The following FGF13 variants were observed in gnomAD, a reference collection of about 807,000 sequenced individuals.
FGF13 encodes fibroblast growth factor 13, also known as fibroblast growth factor homologous factor 2.
A neutral mutation model predicts 19.5 loss-of-function variants in FGF13; 2 were observed. The ratio of observed to expected loss-of-function variants is 0.10; its 90% CI spans 0.04 to 0.32. The LOEUF is 0.32. Among genes scored for constraint, FGF13 ranks in the 10% least tolerant of loss-of-function variants. The probability of loss-of-function intolerance (pLI) is 1.00; values close to 1 mark genes in which losing one functional copy is unlikely to be tolerated. For synonymous variants in FGF13, 72 were observed against 76.9 expected, an observed-to-expected ratio of 0.94 and a Z score of 0.33; for missense variants, 113 against 192.7, an observed-to-expected ratio of 0.59 and a Z score of 2.45.
intron 3 of FGF13, among the ~76,000 whole-genome samples, chrX:138,761,460 T>C (rs1271207247): frequency 9.0e-6 from 1 of 111,640 alleles, no homozygotes; most frequent in Non-Finnish European, 1.9e-5. Context: ...AAAGGACCAC[T>C]GAGGCAGCAG....
intron 1 of FGF13, among the ~76,000 whole-genome samples, chrX:139,009,227 T>C (rs939360289): frequency 5.4e-5 from 6 of 112,031 alleles, no homozygotes; most frequent in Admixed American, 1.9e-4. Context: ...GGAAAACATA[T>C]TGGAAGGAAT....
At chrX:138,865,168 G>T (rs987309793) in intron 1 of FGF13, among the ~76,000 whole-genome samples, 7 of 112,000 alleles carry the variant, frequency 6.3e-5, no homozygotes, top group Non-Finnish European at 1.1e-4. Flanking sequence ...CTGCCTGTAT[G>T]CATTCTCCTC....
At position 138,948,388 on chromosome X, in the gene FGF13, C is replaced by A. The variant is rs1374071351; in HGVS notation, c.-112-83738G>T. ...ACTCAGGAAGGATAAAGAGCACATG[C>A]TAAATCCCTACTTTTGGCCAGGCAG... On this transcript the variant is annotated intron_variant, in intron 1 of 2. Coordinates refer to the FGF13 transcript ENST00000421460. 3.6e-5 allele frequency among the ~76,000 whole-genome samples: 4 copies of A among 111,954 alleles called. No homozygotes were observed. The East Asian group carries it at 8.5e-4, about 24-fold the overall frequency.
In FGF13 at chrX:138,700,539, G is replaced by A. The variant is rs189885803; in HGVS notation, c.402+2445C>T. 3.1e-4 allele frequency among the ~76,000 whole-genome samples: 35 copies of A among 111,310 alleles called. No homozygotes were observed. In the Admixed American group the frequency reaches 3.2e-3, roughly 10 times the overall value. ...AATCTGGGCACCACACTTTAAATAA[G>A]ATGACAACAAAATGAAGTGCCCACT... On this transcript the variant is annotated intron_variant, in intron 3 of 4. Transcript: ENST00000315930.
At chrX:139,094,571 C>T (rs898151403) in intron 1 of FGF13, among the ~76,000 whole-genome samples, 1 of 111,792 alleles carries the variant, frequency 8.9e-6, no homozygotes, top group African/African-American at 3.3e-5. Flanking sequence ...CTGACCTGAC[C>T]AACAAACCCC....
chrX:138,901,855 A>G (rs900782438), intron 1 of FGF13, among the ~76,000 whole-genome samples: 1 of 112,544 alleles, frequency 8.9e-6, no homozygotes, highest in Non-Finnish European at 1.9e-5. Context: ...AGGATGTAAG[A>G]AAAAAACGGC....
intron 1 of FGF13, among the ~76,000 whole-genome samples, chrX:138,723,096 TCAGA>T (rs60338796): frequency 0.27 from 30,256 of 110,449 alleles, 3,176 homozygotes; most frequent in East Asian, 0.55. Context: ...GGATACTAAC[TCAGA>T]CAGTCCTGCT....
At chrX:138,741,540 C>G (rs940328990), upstream of FGF13, among the ~76,000 whole-genome samples, 1 of 111,627 alleles carries the variant, frequency 9.0e-6, no homozygotes, top group African/African-American at 3.3e-5. Flanking sequence ...CAAGAGGAGC[C>G]CTCTCCACCC....
At chrX:138,728,870 C>T (rs1190208334) in intron 1 of FGF13, among the ~76,000 whole-genome samples, 1 of 111,144 alleles carries the variant, frequency 9.0e-6, no homozygotes, top group African/African-American at 3.3e-5. Context: ...CAGAGACAAA[C>T]CATCCAGGTA....
chrX:138,821,942 T>C (rs1171000292), intron 3 of FGF13, among the ~76,000 whole-genome samples: 5 of 111,800 alleles, frequency 4.5e-5, no homozygotes, highest in Non-Finnish European at 7.5e-5. Flanking sequence ...GCTCATACCC[T>C]GCATTTTTGT....
At chrX:138,653,284 C>A (rs1029802156) in intron 3 of FGF13, among the ~76,000 whole-genome samples, 13 of 111,253 alleles carry the variant, frequency 1.2e-4, no homozygotes, top group Non-Finnish European at 3.8e-5. Context: ...ATACATGCCA[C>A]AACTTGCTAA....
In FGF13 at chrX:138,706,274, T is replaced by C. The variant is rs780789223; in HGVS notation, c.298+2544A>G. Among the ~76,000 whole-genome samples, 294 of 112,759 alleles carry C rather than the reference T, an allele frequency of 2.6e-3. 3 individuals are homozygous for C. Among genetic ancestry groups the C allele is most frequent in the African/African-American group, 9.3e-3 (289 of 31,072 alleles). On this transcript the variant is annotated intron_variant, in intron 2 of 4. Transcript: ENST00000315930. ...ACATAATAAAATTACTGCCATGGAA[T>C]GTCTATCATCTTTTCCTTTTCAAGG...
intron 3 of FGF13, among the ~76,000 whole-genome samples, chrX:138,692,197 T>A (rs1388652038): frequency 8.9e-6 from 1 of 111,793 alleles, no homozygotes; most frequent in Non-Finnish European, 1.9e-5. Flanking sequence ...TCAGTCTTTA[T>A]GCTTTATTAT....
intron 1 of FGF13, among the ~76,000 whole-genome samples, chrX:138,874,027 G>A (rs1314803977): frequency 1.6e-4 from 14 of 87,702 alleles, no homozygotes; most frequent in Non-Finnish European, 2.2e-4. Context: ...GGGGGGAGGG[G>A]TAGCATTAGG....
At chrX:138,929,564 CATT>C (rs1377913860) in intron 1 of FGF13, among the ~76,000 whole-genome samples, 1 of 110,908 alleles carries the variant, frequency 9.0e-6, no homozygotes, top group Non-Finnish European at 1.9e-5. Flanking sequence ...TAAAAAGCTC[CATT>C]AAAGGCCAGA....
At chrX:139,006,322 A>G (rs972874765) in intron 1 of FGF13, among the ~76,000 whole-genome samples, 1 of 111,951 alleles carries the variant, frequency 8.9e-6, no homozygotes, top group Non-Finnish European at 1.9e-5. Context: ...CCAGAGTAGT[A>G]TATCTGGTGA....
At chrX:138,919,566 T>C (rs767382329) in intron 1 of FGF13, among the ~76,000 whole-genome samples, 2 of 112,004 alleles carry the variant, frequency 1.8e-5, no homozygotes, top group East Asian at 5.6e-4. Flanking sequence ...ATGCAACAAC[T>C]TGGATACATC....
At chrX:138,947,832 T>C (rs1251305790) in intron 1 of FGF13, among the ~76,000 whole-genome samples, 3 of 111,519 alleles carry the variant, frequency 2.7e-5, no homozygotes, top group African/African-American at 9.8e-5. Flanking sequence ...ATTACAGTAA[T>C]TTCAGTAAAA....
intron 1 of FGF13, among the ~76,000 whole-genome samples, chrX:139,047,960 T>A (rs2092292961): frequency 9.0e-6 from 1 of 111,473 alleles, no homozygotes; most frequent in Non-Finnish European, 1.9e-5. Flanking sequence ...ATCAAGACTT[T>A]CTTCTATCAG....
Sources: allele counts gnomAD v4.1 joint callset (sites outside exome capture counted in the v4.1 genomes callset), GRCh38; gene constraint gnomAD v4.1.1; transcripts MANE v1.5; gene names NCBI Gene and HGNC (gene_info 2026-07-23, HGNC 2026-07-21).